Variants in RPL26L1 observed in about 807,000 individuals in gnomAD.
RPL26L1 encodes the protein ribosomal protein L26 like 1.
RPL26L1 carries 8 observed loss-of-function variants against 15.2 expected under a neutral mutation model. That is an observed-to-expected ratio of 0.53 (90% CI 0.31 to 0.95). RPL26L1 has a LOEUF of 0.95. RPL26L1 is among the 40% of genes least tolerant of loss of function. The pLI, the probability that RPL26L1 is intolerant of heterozygous loss-of-function variation, is 0.05. For synonymous variants in RPL26L1, 51 were observed against 65.9 expected, an observed-to-expected ratio of 0.77 and a Z score of 1.09; for missense variants, 146 against 190.9, an observed-to-expected ratio of 0.76 and a Z score of 1.39.
At chr5:172,964,837 C>G (rs564213860) in intron 2 of RPL26L1, among the ~76,000 whole-genome samples, 2 of 152,208 alleles carry the variant, frequency 1.3e-5, no homozygotes, top group African/African-American at 4.8e-5. Context: ...CACACCTACA[C>G]GTTTACCTGT....
At chr5:172,957,333 A>G (rs1008152931), upstream of RPL26L1, 1 of 453,664 alleles carries the variant, frequency 2.2e-6, no homozygotes, top group Non-Finnish European at 4.4e-6. Context: ...AAAACAAAAC[A>G]AAACAAAGCA....
intron 2 of RPL26L1, 29 bp downstream of exon 2, chr5:172,960,070 T>C: frequency 6.2e-7 from 1 of 1,613,390 alleles, no homozygotes; most frequent in Non-Finnish European, 8.5e-7. Context: ...CTAGTGGCGC[T>C]CGGACACCGT....
At chr5:172,964,245 GA>G (rs1255176391) in intron 2 of RPL26L1, among the ~76,000 whole-genome samples, 1 of 149,712 alleles carries the variant, frequency 6.7e-6, no homozygotes, top group Non-Finnish European at 1.5e-5. Context: ...AAAGTGCTGG[GA>G]TTACAGGCAT....
At chr5:172,954,153 T>C (rs567355873), upstream of RPL26L1, among the ~76,000 whole-genome samples, 1 of 152,222 alleles carries the variant, frequency 6.6e-6, no homozygotes, top group Non-Finnish European at 1.5e-5. Flanking sequence ...GTTAAACCAA[T>C]GAGCTACAAG....
intron 2 of RPL26L1, among the ~76,000 whole-genome samples, chr5:172,965,271 T>C (rs1424312815): frequency 6.6e-6 from 1 of 152,204 alleles, no homozygotes; most frequent in African/African-American, 2.4e-5. Flanking sequence ...TCTTGGAGCT[T>C]TTTTGGTCCC....
intron 1 of RPL26L1, 103 bp downstream of exon 1, chr5:172,959,571 G>C: frequency 1.7e-6 from 2 of 1,195,290 alleles, no homozygotes; most frequent in South Asian, 1.7e-5. Context: ...CTCTCTTTGA[G>C]TGACCTCCCG....
upstream of RPL26L1, chr5:172,959,285 C>T (rs1755119656): frequency 1.3e-6 from 1 of 749,894 alleles, no homozygotes; most frequent in Non-Finnish European, 1.6e-6. Flanking sequence ...GGCCCTTGTA[C>T]TCACTGGCAT....
chr5:172,959,954 G>T lies in RPL26L1; in HGVS notation c.81G>T (p.Arg27Ser), dbSNP rs1484285451. The part of the protein sequence containing the change: ...RHFNAPSHVR[R>S]KIMSSPLSKE... ...TCAATGCCCCCTCACACGTGCGCAG[G>T]AAGATCATGTCATCCCCGCTCTCCA... Residue 27 changes from arginine to serine, a missense_variant, in exon 2 of 4, where the codon AGG (arginine) becomes AGT (serine). By Grantham distance (110) the Arg-to-Ser change is moderately radical (BLOSUM62 -1). Coordinates refer to ENST00000265100, the MANE Select transcript of RPL26L1 (RefSeq NM_016093.4). 1 of 1,614,172 alleles carries T rather than the reference G, an allele frequency of 6.2e-7. No individual in the cohort carries two copies. Among genetic ancestry groups the T allele is most frequent in the East Asian group, 2.2e-5 (1 of 44,874 alleles).
chr5:172,958,539 G>A (rs77005722), upstream of RPL26L1: 1,976 of 410,402 alleles, frequency 4.8e-3, 6 homozygotes, highest in Non-Finnish European at 6.9e-3. Context: ...TTAACCCGAA[G>A]AGAGTCGAGA....
At chr5:172,961,730 A>T (rs1581606541) in intron 2 of RPL26L1, among the ~76,000 whole-genome samples, 1 of 152,250 alleles carries the variant, frequency 6.6e-6, no homozygotes, top group Non-Finnish European at 1.5e-5. Flanking sequence ...TAGGTAAAGA[A>T]TAGGTAATAA....
At chr5:172,964,850 T>C (rs1002468639) in intron 2 of RPL26L1, among the ~76,000 whole-genome samples, 3 of 152,194 alleles carry the variant, frequency 2.0e-5, no homozygotes, top group African/African-American at 7.2e-5. Context: ...TTACCTGTAG[T>C]TCCACCCCTC....
At position 172,969,706 on chromosome 5, in the gene RPL26L1, G is replaced by T. The variant is rs140321805; in HGVS notation, c.*165G>T. On this transcript the variant is annotated 3_prime_UTR_variant, in exon 4 of 4. Coordinates refer to ENST00000265100, the MANE Select transcript of RPL26L1 (RefSeq NM_016093.4). ...AAGTAATAATTTTATGAATAAAAAT[G>T]GGAAATGCTTCCTAATTCCACATAG... is the stretch of plus-strand genomic sequence containing the variant. 7 of 587,348 alleles carry T rather than the reference G, an allele frequency of 1.2e-5. No homozygotes were observed. The East Asian group carries it at 2.4e-4, about 20-fold the overall frequency. 36.4% of individuals were successfully genotyped at this position (587,348 alleles called of 1,614,324 possible).
Position 172,968,579 on chromosome 5 carries a change from G to A in RPL26L1, c.289G>A (p.Val97Met), listed in dbSNP as rs139271401. ...GAAGGCCAACGGCACAACTGTCCAC[G>A]TGGGCATTCACCCAAGCAAGGTATG... ...REKANGTTVH[V>M]GIHPSKVVIT... Residue 97 changes from valine to methionine, a missense_variant, in exon 3 of 4, where the codon GTG (valine) becomes ATG (methionine). Physicochemically the swap from Val to Met is conservative, Grantham distance 21. Transcript: ENST00000265100. 2.8e-4 allele frequency: 456 copies of A among 1,613,910 alleles called. No homozygotes were observed. The highest frequency in any genetic ancestry group is 3.4e-4 in the Non-Finnish European group (406 of 1,179,982).
intron 2 of RPL26L1, among the ~76,000 whole-genome samples, chr5:172,964,861 T>A (rs1755389515): frequency 6.6e-6 from 1 of 152,180 alleles, no homozygotes; most frequent in Non-Finnish European, 1.5e-5. Context: ...TCCACCCCTC[T>A]TATTTTCTTT....
upstream of RPL26L1, chr5:172,954,977 G>T (rs755193695): frequency 5.5e-5 from 25 of 456,080 alleles, no homozygotes; most frequent in South Asian, 2.5e-4. Context: ...GGAAGTTGCG[G>T]AAGAGGCGTC....
intron 2 of RPL26L1, among the ~76,000 whole-genome samples, chr5:172,964,543 C>T (rs969818943): frequency 2.0e-5 from 3 of 152,150 alleles, no homozygotes; most frequent in Admixed American, 6.5e-5. Flanking sequence ...GCCTCAGCCT[C>T]CCCAAGTGCT....
chr5:172,965,750 C>T (rs1561757827), intron 2 of RPL26L1, among the ~76,000 whole-genome samples: 1 of 152,142 alleles, frequency 6.6e-6, no homozygotes, highest in Admixed American at 6.6e-5. Context: ...GTACATTCTG[C>T]CCTTTTCTCA....
At position 172,969,675 on chromosome 5, in the gene RPL26L1, A is replaced by G. The variant is rs1755615123; in HGVS notation, c.*134A>G. On this transcript the variant is annotated 3_prime_UTR_variant, in exon 4 of 4. Coordinates refer to ENST00000265100, the MANE Select transcript of RPL26L1 (RefSeq NM_016093.4). ...TGTGCCTCTGTAAATCTACTTTTGC[A>G]ATTTTAAGTAATAATTTTATGAATA... The G allele has an allele frequency of 3.8e-6, 3 of 786,360 alleles. No homozygotes were observed. In the Admixed American group the frequency reaches 8.2e-5, roughly 22 times the overall value. 48.7% of individuals were successfully genotyped at this position (786,360 alleles called of 1,614,324 possible).
At chr5:172,959,228 A>G, upstream of RPL26L1, 2 of 285,644 alleles carry the variant, frequency 7.0e-6, no homozygotes, top group Non-Finnish European at 1.1e-5. Flanking sequence ...TCTCAAAAAA[A>G]AAAAAAAGAA....
Sources: gnomAD v4.1 joint callset for allele counts (sites outside exome capture counted in the v4.1 genomes callset) on GRCh38, gnomAD v4.1.1 for gene constraint, MANE v1.5 for transcripts, NCBI Gene and HGNC (gene_info 2026-07-23, HGNC 2026-07-21) for gene names.